Variants in SLIT3 observed in about 807,000 individuals in gnomAD.
SLIT3 encodes slit guidance ligand 3.
In SLIT3, 68 loss-of-function variants were observed where a neutral mutation model predicts 184.0. The observed-to-expected ratio is 0.37, with a 90% CI of 0.30 to 0.45. The LOEUF (loss-of-function observed/expected upper bound fraction) is 0.45, where lower values mean the gene tolerates loss of function less well. SLIT3 is among the 20% of genes least tolerant of loss of function. The pLI is 1.00. For missense variants in SLIT3, 1,707 were observed against 2,026.0 expected (o/e 0.84, Z 3.02); for synonymous variants, 831 against 828.6 (o/e 1.00, Z -0.05).
chr5:169,029,869 T>C (rs1456224441), intron 4 of SLIT3, among the ~76,000 whole-genome samples: 1 of 152,214 alleles, frequency 6.6e-6, no homozygotes, highest in African/African-American at 2.4e-5. Flanking sequence ...CATTCTCCAT[T>C]CATGAGGCTC....
At chr5:169,167,268 C>CTTTTTTTTT (rs11287374) in intron 4 of SLIT3, among the ~76,000 whole-genome samples, 3 of 90,590 alleles carry the variant, frequency 3.3e-5, no homozygotes, top group East Asian at 4.1e-4. Context: ...GTTCTAAGCA[C>CTTTTTTTTT]TTTTTTTTTT....
chr5:168,939,210 T>C (rs1199776186), intron 4 of SLIT3, among the ~76,000 whole-genome samples: 1 of 152,202 alleles, frequency 6.6e-6, no homozygotes, highest in African/African-American at 2.4e-5. Flanking sequence ...GGGTCAGCGC[T>C]ATGATTGATG....
chr5:169,272,181 G>A (rs140484574), intron 1 of SLIT3, among the ~76,000 whole-genome samples: 1 of 152,328 alleles, frequency 6.6e-6, no homozygotes, highest in East Asian at 1.9e-4. Context: ...GGACCTTCAT[G>A]TCACATTTGG....
chr5:168,892,364 G>A (rs1760498415), intron 4 of SLIT3, among the ~76,000 whole-genome samples: 1 of 152,190 alleles, frequency 6.6e-6, no homozygotes, highest in Non-Finnish European at 1.5e-5. Flanking sequence ...CACATAGCTA[G>A]TGCCTACTAT....
chr5:168,734,299 A>G (rs1044308259), intron 20 of SLIT3, among the ~76,000 whole-genome samples: 3 of 152,204 alleles, frequency 2.0e-5, no homozygotes, highest in Non-Finnish European at 4.4e-5. Flanking sequence ...TGAGACAGGA[A>G]ATTAACTGTT....
At chr5:168,826,087 G>T (rs1757695510) in intron 6 of SLIT3, among the ~76,000 whole-genome samples, 1 of 152,192 alleles carries the variant, frequency 6.6e-6, no homozygotes, top group Non-Finnish European at 1.5e-5. Context: ...TAATTTAGCT[G>T]AATATACAGT....
chr5:168,710,671 A>G (rs576037982), intron 25 of SLIT3, among the ~76,000 whole-genome samples: 3 of 152,232 alleles, frequency 2.0e-5, no homozygotes, highest in African/African-American at 7.2e-5. Context: ...CAGTGAGGAG[A>G]TGTGTGGCAA....
chr5:169,095,838 T>G (rs1759757087), intron 4 of SLIT3, among the ~76,000 whole-genome samples: 1 of 152,196 alleles, frequency 6.6e-6, no homozygotes, highest in Admixed American at 6.5e-5. Flanking sequence ...TTACACCCAT[T>G]CTTCAACCTT....
chr5:169,298,933 G>T (rs1767595870), intron 1 of SLIT3, among the ~76,000 whole-genome samples: 1 of 152,228 alleles, frequency 6.6e-6, no homozygotes, highest in African/African-American at 2.4e-5. Flanking sequence ...ACTAACTCAT[G>T]TGGCTAGCAC....
intron 4 of SLIT3, among the ~76,000 whole-genome samples, chr5:168,901,167 T>TG (rs1760856762): frequency 6.6e-6 from 1 of 152,156 alleles, no homozygotes; most frequent in South Asian, 2.1e-4. Context: ...TAGTCCATCC[T>TG]GGCTAACATG....
In SLIT3 at chr5:168,952,510, GAGA is replaced by G. The variant is rs564889199; in HGVS notation, c.414-69177_414-69175del. 3.5e-3 allele frequency among the ~76,000 whole-genome samples: 347 copies of G among 99,906 alleles called. 3 individuals carry two copies. The highest frequency in any genetic ancestry group is 5.6e-3 in the Admixed American group (40 of 7,200). 65.5% of individuals were successfully genotyped at this position (99,906 alleles called of 152,430 possible). A position where few individuals can be genotyped will look rare whatever the true frequency, so the allele number is the denominator to read the frequency against. On this transcript the variant is annotated intron_variant, in intron 4 of 35. Transcript: ENST00000519560. ...CCTCCAACATTTCCCCACAATCTCA[GAGA>G]AGAAGGGAAAATGCCAAAAAAAAAA...
At chr5:169,194,548 A>G (rs1251665372) in intron 3 of SLIT3, among the ~76,000 whole-genome samples, 1 of 152,182 alleles carries the variant, frequency 6.6e-6, no homozygotes, top group African/African-American at 2.4e-5. Context: ...AAATGCAAAT[A>G]TATTATTACA....
At chr5:168,765,440 G>A (rs901875575) in intron 14 of SLIT3, among the ~76,000 whole-genome samples, 4 of 152,200 alleles carry the variant, frequency 2.6e-5, no homozygotes, top group East Asian at 1.9e-4. Flanking sequence ...TATTTTATAC[G>A]AGTGGGAGCC....
chr5:169,100,005 A>T (rs1460664301), intron 4 of SLIT3, among the ~76,000 whole-genome samples: 6 of 152,174 alleles, frequency 3.9e-5, no homozygotes, highest in Non-Finnish European at 8.8e-5. Context: ...CAGAGAGATG[A>T]CTGGCCTTTA....
chr5:169,227,735 T>G (rs1581078332), intron 3 of SLIT3, among the ~76,000 whole-genome samples: 1 of 152,358 alleles, frequency 6.6e-6, no homozygotes, highest in South Asian at 2.1e-4. Flanking sequence ...CCTTTCTCAT[T>G]ATTTTTAATG....
intron 8 of SLIT3, among the ~76,000 whole-genome samples, chr5:168,807,887 T>C (rs1288651486): frequency 6.6e-6 from 1 of 152,098 alleles, no homozygotes; most frequent in African/African-American, 2.4e-5. Flanking sequence ...CAGAAGGTGG[T>C]GCGCTCTCCG....
intron 1 of SLIT3, among the ~76,000 whole-genome samples, chr5:169,299,959 G>A (rs1209185174): frequency 6.6e-6 from 1 of 152,098 alleles, no homozygotes; most frequent in African/African-American, 2.4e-5. Context: ...CGGGTTTTGC[G>A]AGCACCCACT....
chr5:168,695,085 G>A (rs1762014942), intron 28 of SLIT3, among the ~76,000 whole-genome samples: 4 of 152,188 alleles, frequency 2.6e-5, no homozygotes, highest in Non-Finnish European at 1.5e-5. Context: ...CTTGATAAAG[G>A]TATGGGCTAT....
intron 13 of SLIT3, among the ~76,000 whole-genome samples, chr5:168,773,291 A>G (rs1464901029): frequency 1.3e-5 from 2 of 152,164 alleles, no homozygotes; most frequent in African/African-American, 2.4e-5. Context: ...GGTAGAATGC[A>G]TTTTATTTCT....
Sources: allele counts gnomAD v4.1 joint callset (sites outside exome capture counted in the v4.1 genomes callset), GRCh38; gene constraint gnomAD v4.1.1; transcripts MANE v1.5; gene names NCBI Gene and HGNC (gene_info 2026-07-23, HGNC 2026-07-21).